GSDME: variants seen among roughly 807,000 people sequenced by gnomAD.
GSDME encodes the protein gasdermin-E.
A neutral mutation model predicts 47.5 loss-of-function variants in GSDME; 44 were observed. The ratio of observed to expected loss-of-function variants is 0.93; its 90% CI spans 0.73 to 1.19. The LOEUF (loss-of-function observed/expected upper bound fraction) is 1.19, where lower values mean the gene tolerates loss of function less well. Ranked by LOEUF, GSDME falls within the 50% of genes most tolerant of loss-of-function variation. The pLI is 0.00. For synonymous variants in GSDME, 258 were observed against 252.8 expected, an observed-to-expected ratio of 1.02 and a Z score of -0.20; for missense variants, 663 against 604.2, an observed-to-expected ratio of 1.10 and a Z score of -1.02.
rs184869029 is a variant in GSDME, at chr7:24,754,695, G to A, written c.-20+2701C>T. 7.9e-5 allele frequency among the ~76,000 whole-genome samples: 12 copies of A among 152,182 alleles called. No individual in the cohort carries two copies. The highest frequency in any genetic ancestry group is 2.6e-4 in the Admixed American group (4 of 15,288). ...AAGCACACAGCCAACTGGAGCCACT[G>A]GGAACAAAGAATCTTAAAAATAGTT... On this transcript the variant is annotated intron_variant, in intron 1 of 9. Transcript: ENST00000645220. This position sits in a 1 kb window ranked among gnomAD's most constrained non-coding sequence, Gnocchi z 5.0.
intron 2 of GSDME, among the ~76,000 whole-genome samples, chr7:24,747,376 A>T (rs761233658): frequency 1.8e-4 from 28 of 152,222 alleles, no homozygotes; most frequent in Non-Finnish European, 3.5e-4. Context: ...CTGTAAACTC[A>T]AATTATCTCC....
At chr7:24,769,010 C>G in the GSDME span, among the ~76,000 whole-genome samples, 19,476 of 152,182 alleles carry the variant, frequency 0.13, 1,645 homozygotes, top group East Asian at 0.42. Flanking sequence ...AGCTCATGCT[C>G]TAATGGGCAA....
At chr7:24,772,325 G>C in the GSDME span, among the ~76,000 whole-genome samples, 5 of 152,290 alleles carry the variant, frequency 3.3e-5, no homozygotes, top group African/African-American at 9.6e-5. The surrounding 1 kb of genome is among the most constrained non-coding windows in gnomAD (Gnocchi z 4.5). Context: ...AGCATTCTTT[G>C]ACCCACAGGT....
chr7:24,744,886 G>T lies in GSDME; in HGVS notation c.212-132C>A. 1 of 945,950 alleles carries T rather than the reference G, an allele frequency of 1.1e-6. No homozygotes were observed. Among genetic ancestry groups the T allele is most frequent in the Non-Finnish European group, 1.6e-6 (1 of 608,926 alleles). The allele number at this position is 945,950 out of a possible 1,614,324, so 58.6% of individuals were successfully genotyped here. On this transcript the variant is annotated intron_variant, in intron 2 of 9. Transcript: ENST00000645220. This position sits in a 1 kb window ranked among gnomAD's most constrained non-coding sequence, Gnocchi z 4.5. ...CTGGCACTCAGATGGAAAGCCGGCA[G>T]CCATGCTGTGTGTGTGGGCAAGAAA...
intron 3 of GSDME, among the ~76,000 whole-genome samples, chr7:24,734,347 G>A (rs1205667007): frequency 6.6e-6 from 1 of 152,232 alleles, no homozygotes; most frequent in Non-Finnish European, 1.5e-5. Flanking sequence ...AGATTGCAAA[G>A]GCTGCAATAA....
At chr7:24,711,397 G>T (rs1183890516) in intron 5 of GSDME, among the ~76,000 whole-genome samples, 1 of 151,848 alleles carries the variant, frequency 6.6e-6, no homozygotes, top group African/African-American at 2.4e-5. Flanking sequence ...GCTAATTTTT[G>T]TATTTTTAGT....
rs1055978107 is a variant in GSDME at position 24,732,981 on chromosome 7, C to G, written c.404+11581G>C. On this transcript the variant is annotated intron_variant, in intron 3 of 9. Coordinates refer to ENST00000645220, the MANE Select transcript of GSDME (RefSeq NM_001127453.2). This position sits in a 1 kb window ranked among gnomAD's most constrained non-coding sequence, Gnocchi z 4.8. ...ACTGGATCTAACCCTCCCCCAACTC[C>G]AAGCAGCACAACATGCAGCTCCAAA... Among the ~76,000 whole-genome samples, 1 of 152,028 alleles carries G rather than the reference C, an allele frequency of 6.6e-6. No individual in the cohort carries two copies. The highest frequency in any genetic ancestry group is 1.5e-5 in the Non-Finnish European group (1 of 68,018).
the GSDME span, among the ~76,000 whole-genome samples, chr7:24,775,371 G>C: frequency 6.6e-6 from 1 of 152,224 alleles, no homozygotes; most frequent in Non-Finnish European, 1.5e-5. Flanking sequence ...AAATCAGTGT[G>C]ATGATATCCG....
At position 24,705,528 on chromosome 7, in the gene GSDME, T is replaced by C. The variant is rs896419385; in HGVS notation, c.1183+656A>G. 1 of 158,610 alleles carries C rather than the reference T, an allele frequency of 6.3e-6. No homozygotes were observed. Among genetic ancestry groups the C allele is most frequent in the Admixed American group, 5.9e-5 (1 of 16,854 alleles). The allele number at this position is 158,610 out of a possible 1,614,324, so 9.8% of individuals were successfully genotyped here. On this transcript the variant is annotated intron_variant, in intron 8 of 9. Coordinates refer to ENST00000645220, the MANE Select transcript of GSDME (RefSeq NM_001127453.2). This position sits in a 1 kb window ranked among gnomAD's most constrained non-coding sequence, Gnocchi z 4.1. ...CACAACTGGCTTTTCTGAGAGGGAA[T>C]AGGAAGCCCAGCTTCCTCGTGACAG...
At chr7:24,727,368 C>A (rs1260633208) in intron 3 of GSDME, among the ~76,000 whole-genome samples, 1 of 152,228 alleles carries the variant, frequency 6.6e-6, no homozygotes, top group Non-Finnish European at 1.5e-5. Flanking sequence ...TGGTGCAGTA[C>A]TGCCAGAGCT....
chr7:24,755,992 A>C (rs1791004716), intron 1 of GSDME, among the ~76,000 whole-genome samples: 1 of 152,248 alleles, frequency 6.6e-6, no homozygotes. Flanking sequence ...AAATTAGAAC[A>C]GAGGTGGCAT....
In GSDME at chr7:24,733,548, C is replaced by A. The variant is rs752378948; in HGVS notation, c.404+11014G>T. ...CTACCCAGGCCCACAGGGGACCCCA[C>A]TGCCCTGAAGAGTGCGTCTCAAACC... is the stretch of plus-strand genomic sequence containing the variant. On this transcript the variant is annotated intron_variant, in intron 3 of 9. Transcript: ENST00000645220. This position sits in a 1 kb window ranked among gnomAD's most constrained non-coding sequence, Gnocchi z 4.3. Among the ~76,000 whole-genome samples, 4 of 152,186 alleles carry A rather than the reference C, an allele frequency of 2.6e-5. No homozygotes were observed. Among genetic ancestry groups the A allele is most frequent in the Admixed American group, 6.5e-5 (1 of 15,280 alleles).
rs1790163864 is a variant in GSDME at position 24,732,050 on chromosome 7, A to AC, written c.404+12511dup. 6.6e-6 allele frequency among the ~76,000 whole-genome samples: 1 copy of AC among 152,156 alleles called. No homozygotes were observed. The highest frequency in any genetic ancestry group is 2.4e-5 in the African/African-American group (1 of 41,428). ...CCTTGGGATGCCCCGGTTTATTGTG[A>AC]CCAGTTACACCTGCCCTGGAAGGAG... On this transcript the variant is annotated intron_variant, in intron 3 of 9. Coordinates refer to ENST00000645220, the MANE Select transcript of GSDME (RefSeq NM_001127453.2). The surrounding 1 kb of genome is among the most constrained non-coding windows in gnomAD (Gnocchi z 4.8).
At chr7:24,766,211 G>A in the GSDME span, among the ~76,000 whole-genome samples, 1 of 149,434 alleles carries the variant, frequency 6.7e-6, no homozygotes, top group Non-Finnish European at 1.5e-5. The surrounding 1 kb of genome is among the most constrained non-coding windows in gnomAD (Gnocchi z 4.2). Context: ...GTGTGTGTGT[G>A]TGTGCATGTT....
the GSDME span, among the ~76,000 whole-genome samples, chr7:24,771,592 T>C: frequency 6.6e-6 from 1 of 151,996 alleles, no homozygotes; most frequent in Non-Finnish European, 1.5e-5. This position sits in a 1 kb window ranked among gnomAD's most constrained non-coding sequence, Gnocchi z 4.1. Context: ...GTTGCCTGAG[T>C]TTTTGGGCCT....
At chr7:24,763,943 G>T in the GSDME span, among the ~76,000 whole-genome samples, 1 of 152,176 alleles carries the variant, frequency 6.6e-6, no homozygotes, top group African/African-American at 2.4e-5. This position sits in a 1 kb window ranked among gnomAD's most constrained non-coding sequence, Gnocchi z 4.3. Context: ...CATATTTTTG[G>T]ATTGTATAAT....
At chr7:24,765,320 T>A in the GSDME span, among the ~76,000 whole-genome samples, 34 of 152,354 alleles carry the variant, frequency 2.2e-4, no homozygotes, top group East Asian at 5.8e-3. Flanking sequence ...AGAAAATTAA[T>A]ATGAAATTAT....
chr7:24,759,897 T>C (rs182985575), upstream of GSDME, among the ~76,000 whole-genome samples: 93 of 152,330 alleles, frequency 6.1e-4, 1 homozygote, highest in Middle Eastern at 3.4e-3. Flanking sequence ...TTGTGCTTAT[T>C]ATTATTGTTA....
the GSDME span, among the ~76,000 whole-genome samples, chr7:24,772,908 A>G: frequency 1.3e-5 from 2 of 152,228 alleles, no homozygotes; most frequent in Non-Finnish European, 2.9e-5. This position sits in a 1 kb window ranked among gnomAD's most constrained non-coding sequence, Gnocchi z 4.5. Flanking sequence ...ATAGATAAAG[A>G]ATCTAATTGC....
Sources: allele counts gnomAD v4.1 joint callset (sites outside exome capture counted in the v4.1 genomes callset), GRCh38; gene constraint gnomAD v4.1.1; non-coding constraint Gnocchi (gnomAD v3.1); transcripts MANE v1.5; gene names NCBI Gene and HGNC (gene_info 2026-07-23, HGNC 2026-07-21).